The following GINS1 variants were observed in gnomAD, a reference collection of about 807,000 sequenced individuals.
GINS1 encodes GINS complex subunit 1.
A neutral mutation model predicts 34.9 loss-of-function variants in GINS1; 26 were observed. The observed-to-expected ratio is 0.74, with a 90% CI of 0.55 to 1.03. The LOEUF (loss-of-function observed/expected upper bound fraction) is 1.03, where lower values mean the gene tolerates loss of function less well. Among genes scored for constraint, GINS1 ranks in the 50% least tolerant of loss-of-function variants. The probability of loss-of-function intolerance (pLI) is 0.00; values close to 1 mark genes in which losing one functional copy is unlikely to be tolerated. For synonymous variants in GINS1, 97 were observed against 84.4 expected, an observed-to-expected ratio of 1.15 and a Z score of -0.82; for missense variants, 235 against 237.9, an observed-to-expected ratio of 0.99 and a Z score of 0.08.
chr20:25,415,513 C>A (rs1229698477), intron 2 of GINS1, among the ~76,000 whole-genome samples: 1 of 151,992 alleles, frequency 6.6e-6, no homozygotes, highest in Non-Finnish European at 1.5e-5. Context: ...CATGGTGAAA[C>A]CCTGTCTACG....
At chr20:25,418,274 A>G (rs1267657678) in intron 4 of GINS1, 79 bp downstream of exon 4, 3 of 875,962 alleles carry the variant, frequency 3.4e-6, no homozygotes, top group African/African-American at 1.6e-5. Flanking sequence ...GTTTATTGGT[A>G]TTCCTCTTTT....
chr20:25,426,236 G>A (rs2090389931), intron 5 of GINS1, among the ~76,000 whole-genome samples: 1 of 152,112 alleles, frequency 6.6e-6, no homozygotes, highest in African/African-American at 2.4e-5. Flanking sequence ...TATCTTCAGG[G>A]TTCATTTCTG....
intron 5 of GINS1, among the ~76,000 whole-genome samples, chr20:25,437,338 T>C (rs911841887): frequency 3.9e-5 from 6 of 152,234 alleles, no homozygotes; most frequent in African/African-American, 1.4e-4. Context: ...GCAGGGTGCT[T>C]TTTGCACACT....
At chr20:25,408,379 G>A (rs899472562) in intron 1 of GINS1, among the ~76,000 whole-genome samples, 1 of 152,196 alleles carries the variant, frequency 6.6e-6, no homozygotes, top group Non-Finnish European at 1.5e-5. Flanking sequence ...AAAATGAGTG[G>A]CATGTGTAAG....
At chr20:25,445,076 C>T (rs975848889) in intron 6 of GINS1, among the ~76,000 whole-genome samples, 5 of 152,200 alleles carry the variant, frequency 3.3e-5, no homozygotes, top group African/African-American at 1.2e-4. Flanking sequence ...ACAATACCTA[C>T]TAGAATTCAG....
intron 2 of GINS1, among the ~76,000 whole-genome samples, chr20:25,416,152 G>C (rs1479796373): frequency 6.6e-6 from 1 of 152,160 alleles, no homozygotes; most frequent in Non-Finnish European, 1.5e-5. Flanking sequence ...GCTGAGAGGT[G>C]GGGGAAGCTG....
intron 6 of GINS1, among the ~76,000 whole-genome samples, chr20:25,442,855 C>T (rs2146225273): frequency 6.6e-6 from 1 of 152,290 alleles, no homozygotes; most frequent in East Asian, 1.9e-4. Flanking sequence ...ATCCACCCAC[C>T]TCAGCCTCCC....
chr20:25,410,608 G>A (rs371735808), intron 1 of GINS1, among the ~76,000 whole-genome samples: 2 of 151,976 alleles, frequency 1.3e-5, no homozygotes, highest in East Asian at 3.9e-4. Context: ...TGTGGCCCAG[G>A]CTGGAGTGCA....
chr20:25,431,904 A>G (rs6076351), intron 5 of GINS1, among the ~76,000 whole-genome samples: 33,744 of 149,786 alleles, frequency 0.23, 4,740 homozygotes, highest in Middle Eastern at 0.32. Flanking sequence ...GTCTCACTGT[A>G]TTTTCCAGGC....
chr20:25,445,872 C>T (rs1189680985), intron 6 of GINS1, 51 bp from the exon 7 acceptor site: 7 of 1,099,082 alleles, frequency 6.4e-6, no homozygotes, highest in Non-Finnish European at 9.6e-6. Flanking sequence ...ATTTCAAATT[C>T]TTTCCCAATC....
chr20:25,417,845 A>C (rs981490929), intron 3 of GINS1, among the ~76,000 whole-genome samples: 1 of 151,950 alleles, frequency 6.6e-6, no homozygotes. Flanking sequence ...CAAGAGCAAA[A>C]CTCTGTCTCA....
At chr20:25,418,018 T>C in intron 3 of GINS1, 87 bp from the exon 4 acceptor site, 1 of 786,826 alleles carries the variant, frequency 1.3e-6, no homozygotes, top group Non-Finnish European at 2.3e-6. Flanking sequence ...TGTTTAGAGC[T>C]GGTGTGTTTG....
rs545206274 is a variant in GINS1 at position 25,410,156 on chromosome 20, A to G, written c.75+2261A>G. On this transcript the variant is annotated intron_variant, in intron 1 of 6. Transcript: ENST00000262460. ...TGAGATTGAGACCATCCTGGCTAACATGGTGAAACCCCGTATCTACTAAAA... is the reference window on the plus strand; with the variant it reads ...TGAGATTGAGACCATCCTGGCTAACGTGGTGAAACCCCGTATCTACTAAAA... 6.6e-5 allele frequency among the ~76,000 whole-genome samples: 10 copies of G among 152,176 alleles called. No individual in the cohort carries two copies. In the South Asian group the frequency reaches 1.9e-3, roughly 28 times the overall value.
intron 5 of GINS1, among the ~76,000 whole-genome samples, chr20:25,435,868 A>G (rs2090452442): frequency 7.2e-6 from 1 of 138,666 alleles, no homozygotes; most frequent in Non-Finnish European, 1.5e-5. Context: ...GCTGGAGTGC[A>G]GTGGCGCAAT....
intron 4 of GINS1, among the ~76,000 whole-genome samples, chr20:25,422,124 A>G (rs1001382547): frequency 2.0e-5 from 3 of 152,112 alleles, no homozygotes; most frequent in Admixed American, 6.6e-5. Flanking sequence ...GGTGCAGAAA[A>G]CGAAGATGTA....
chr20:25,422,053 T>C (rs961525073), intron 4 of GINS1, among the ~76,000 whole-genome samples: 1 of 152,030 alleles, frequency 6.6e-6, no homozygotes, highest in Non-Finnish European at 1.5e-5. Flanking sequence ...AATCACTTAA[T>C]TTAACCATTT....
At chr20:25,412,050 G>T (rs906329859) in intron 1 of GINS1, among the ~76,000 whole-genome samples, 1 of 152,214 alleles carries the variant, frequency 6.6e-6, no homozygotes, top group African/African-American at 2.4e-5. Flanking sequence ...AGAGGTTGCA[G>T]TGAGCTGAGA....
chr20:25,413,255 A>T (rs1441709500), intron 1 of GINS1, among the ~76,000 whole-genome samples: 2 of 151,744 alleles, frequency 1.3e-5, no homozygotes, highest in Non-Finnish European at 2.9e-5. Flanking sequence ...CACCATGTTG[A>T]CCAGGCTGGT....
At chr20:25,409,610 C>G (rs1235558078) in intron 1 of GINS1, among the ~76,000 whole-genome samples, 6 of 152,132 alleles carry the variant, frequency 3.9e-5, no homozygotes, top group Non-Finnish European at 8.8e-5. Flanking sequence ...AGCACCTAGC[C>G]AGACAATTAG....
Sources: allele counts gnomAD v4.1 joint callset (sites outside exome capture counted in the v4.1 genomes callset), GRCh38; gene constraint gnomAD v4.1.1; transcripts MANE v1.5; gene names NCBI Gene and HGNC (gene_info 2026-07-23, HGNC 2026-07-21).